The following WDR7 variants were observed in gnomAD, a reference collection of about 807,000 sequenced individuals.
WDR7 encodes the protein WD repeat-containing protein 7.
Under a neutral mutation model 169.4 loss-of-function variants are expected in WDR7, and 46 were observed. The observed-to-expected ratio is 0.27, with a 90% CI of 0.21 to 0.35. The LOEUF (loss-of-function observed/expected upper bound fraction) is 0.35. WDR7 is among the 10% of genes least tolerant of loss of function. WDR7 has a pLI of 1.00. For missense variants in WDR7, 1,534 were observed against 1,859.3 expected, an observed-to-expected ratio of 0.83 and a Z score of 3.22; for synonymous variants, 612 against 666.8, an observed-to-expected ratio of 0.92 and a Z score of 1.27.
At chr18:56,897,082 A>G (rs2046341731) in intron 21 of WDR7, among the ~76,000 whole-genome samples, 1 of 151,944 alleles carries the variant, frequency 6.6e-6, no homozygotes, top group African/African-American at 2.4e-5. Flanking sequence ...ATTGTCAAGG[A>G]AATGCAAATT....
rs2045437569 is a variant in WDR7, at chr18:56,838,965, G to C, written c.3304+22821G>C. 2.6e-5 allele frequency among the ~76,000 whole-genome samples: 4 copies of C among 152,078 alleles called. No homozygotes were observed. In the South Asian group the frequency reaches 8.3e-4, roughly 32 times the overall value. ...AAAAACTGTGTATGATTATTTTAAA[G>C]ATTATTAAGGCTTCTTTGTAATTAG... On this transcript the variant is annotated intron_variant, in intron 20 of 27. Coordinates refer to ENST00000254442, the MANE Select transcript of WDR7 (RefSeq NM_015285.3).
chr18:56,729,311 CATAAT>C (rs1337323579), intron 13 of WDR7, among the ~76,000 whole-genome samples: 3 of 152,016 alleles, frequency 2.0e-5, no homozygotes, highest in Non-Finnish European at 4.4e-5. Flanking sequence ...TATTTAAAAA[CATAAT>C]ATGATATACA....
rs760299098 is a variant in WDR7 at position 56,672,485 on chromosome 18, T to C, written c.-19-12T>C. On this transcript the variant is annotated splice_polypyrimidine_tract_variant and intron_variant, in intron 1 of 27. Transcript: ENST00000254442. ...ATATTGTAATATCTGACAATTTTTA[T>C]AACATTTTCAGGTTTGAAAACACAA... The C allele has an allele frequency of 2.7e-6, 4 of 1,460,802 alleles. No individual in the cohort carries two copies. The highest frequency in any genetic ancestry group is 2.4e-5 in the Admixed American group (1 of 41,188). 90.5% of individuals were successfully genotyped at this position (1,460,802 alleles called of 1,614,324 possible).
intron 25 of WDR7, among the ~76,000 whole-genome samples, chr18:56,946,956 T>C (rs989897064): frequency 6.6e-6 from 1 of 152,220 alleles, no homozygotes; most frequent in African/African-American, 2.4e-5. Context: ...AATGTTATAG[T>C]CATAGCTTTA....
chr18:56,751,509 G>A (rs1334604878), intron 14 of WDR7, among the ~76,000 whole-genome samples: 2 of 152,036 alleles, frequency 1.3e-5, no homozygotes, highest in African/African-American at 2.4e-5. Flanking sequence ...CACTGTGGTG[G>A]GCTCTTCTTT....
chr18:56,810,929 G>A (rs1264931979), intron 19 of WDR7, among the ~76,000 whole-genome samples: 2 of 152,014 alleles, frequency 1.3e-5, no homozygotes, highest in Admixed American at 1.3e-4. Context: ...GCCCCCATTA[G>A]CATTACTCCA....
At chr18:56,762,310 T>C (rs1365258337) in intron 16 of WDR7, among the ~76,000 whole-genome samples, 7 of 152,002 alleles carry the variant, frequency 4.6e-5, no homozygotes, top group East Asian at 1.9e-4. Context: ...TTGTGGAATG[T>C]TTTCTTTTTT....
At chr18:56,971,653 G>A (rs1431495969) in intron 26 of WDR7, among the ~76,000 whole-genome samples, 1 of 152,142 alleles carries the variant, frequency 6.6e-6, no homozygotes, top group Non-Finnish European at 1.5e-5. Context: ...GCTTCCTGAA[G>A]GAGAGGATAT....
intron 2 of WDR7, among the ~76,000 whole-genome samples, chr18:56,673,679 CA>C (rs1215240871): frequency 6.6e-6 from 1 of 151,856 alleles, no homozygotes; most frequent in African/African-American, 2.4e-5. Context: ...ACTGAAAATA[CA>C]AAAAACTAGC....
intron 20 of WDR7, among the ~76,000 whole-genome samples, chr18:56,847,958 A>G (rs893942354): frequency 6.6e-6 from 1 of 152,240 alleles, no homozygotes; most frequent in Non-Finnish European, 1.5e-5. Flanking sequence ...TAGGCACTAC[A>G]GAGGAGAAAT....
intron 1 of WDR7, among the ~76,000 whole-genome samples, chr18:56,652,337 A>G (rs1396728260): frequency 6.6e-6 from 1 of 152,092 alleles, no homozygotes; most frequent in Non-Finnish European, 1.5e-5. Flanking sequence ...GCTTCCTCTC[A>G]CTGTAATATT....
chr18:56,810,850 T>C (rs1420574311), intron 19 of WDR7, among the ~76,000 whole-genome samples: 1 of 152,140 alleles, frequency 6.6e-6, no homozygotes, highest in East Asian at 1.9e-4. Context: ...TTTAAGCTGA[T>C]TTAGAGTTGT....
At chr18:56,964,977 A>T (rs149914371) in intron 26 of WDR7, among the ~76,000 whole-genome samples, 117 of 152,318 alleles carry the variant, frequency 7.7e-4, no homozygotes, top group African/African-American at 2.7e-3. Flanking sequence ...AAATGAGCCA[A>T]CATTTGAAAC....
At chr18:56,948,236 T>G (rs1014625809) in intron 25 of WDR7, among the ~76,000 whole-genome samples, 1 of 152,166 alleles carries the variant, frequency 6.6e-6, no homozygotes, top group South Asian at 2.1e-4. Flanking sequence ...CTTCATTTCT[T>G]TTATAGCAAC....
chr18:56,695,243 T>TA (rs2025673149), intron 11 of WDR7, 45 bp downstream of exon 11: 1 of 1,578,040 alleles, frequency 6.3e-7, no homozygotes, highest in African/African-American at 1.4e-5. Context: ...TGACAACTCT[T>TA]ACCCAGAGAG....
chr18:57,024,047 C>T (rs974304869), intron 27 of WDR7, among the ~76,000 whole-genome samples: 23 of 152,150 alleles, frequency 1.5e-4, no homozygotes, highest in African/African-American at 4.8e-4. Context: ...TGCTTCTCTT[C>T]ATCTTTATGT....
At chr18:56,860,370 C>T (rs750615453) in intron 20 of WDR7, among the ~76,000 whole-genome samples, 1 of 152,106 alleles carries the variant, frequency 6.6e-6, no homozygotes, top group Non-Finnish European at 1.5e-5. Context: ...CATAGCTCAT[C>T]CCAGCTAAAG....
chr18:57,002,237 A>G (rs2047992467), intron 26 of WDR7, among the ~76,000 whole-genome samples: 1 of 152,162 alleles, frequency 6.6e-6, no homozygotes, highest in Admixed American at 6.5e-5. Context: ...GGGTCAGAAA[A>G]TGCTTACATA....
intron 25 of WDR7, among the ~76,000 whole-genome samples, chr18:56,951,740 T>C (rs2047186604): frequency 6.6e-6 from 1 of 152,172 alleles, no homozygotes; most frequent in Non-Finnish European, 1.5e-5. Context: ...TATACATATA[T>C]GCATATATAC....
Sources: gnomAD v4.1 joint callset for allele counts (sites outside exome capture counted in the v4.1 genomes callset) on GRCh38, gnomAD v4.1.1 for gene constraint, MANE v1.5 for transcripts, NCBI Gene and HGNC (gene_info 2026-07-23, HGNC 2026-07-21) for gene names.